Variants in SPSB1 observed in about 807,000 individuals in gnomAD.
The protein encoded by SPSB1 is splA/ryanodine receptor domain and SOCS box containing 1, also known as SPRY domain-containing SOCS box protein 1.
SPSB1 carries 8 observed loss-of-function variants against 21.2 expected under a neutral mutation model. That is an observed-to-expected ratio of 0.38 (90% CI 0.22 to 0.68). The LOEUF (loss-of-function observed/expected upper bound fraction) is 0.68. Among genes scored for constraint, SPSB1 ranks in the 30% least tolerant of loss-of-function variants. SPSB1 has a pLI of 0.53. For missense variants in SPSB1, 242 were observed against 377.8 expected (o/e 0.64, Z 2.98); for synonymous variants, 169 against 161.7 (o/e 1.05, Z -0.34).
intron 1 of SPSB1, among the ~76,000 whole-genome samples, chr1:9,336,521 C>T (rs180930304): frequency 3.9e-5 from 6 of 152,152 alleles, no homozygotes; most frequent in East Asian, 3.9e-4. Context: ...CCACCACGTC[C>T]GGCTCCTCCT....
At chr1:9,358,355 G>C (rs1193192491) in intron 2 of SPSB1, among the ~76,000 whole-genome samples, 1 of 152,176 alleles carries the variant, frequency 6.6e-6, no homozygotes, top group Non-Finnish European at 1.5e-5. Flanking sequence ...GGCGCCCCCA[G>C]GTCATGGGAC....
intron 1 of SPSB1, among the ~76,000 whole-genome samples, chr1:9,303,763 G>A (rs910207142): frequency 5.3e-5 from 8 of 152,318 alleles, no homozygotes; most frequent in Non-Finnish European, 1.2e-4. Flanking sequence ...TATGGTTTAA[G>A]GAGATGCCAG....
chr1:9,351,350 A>T (rs1557463152), intron 1 of SPSB1: 1 of 152,328 alleles, frequency 6.6e-6, no homozygotes, highest in Non-Finnish European at 1.5e-5. Flanking sequence ...GTGACCAGGA[A>T]GACAGGAGAA....
At chr1:9,337,248 C>G (rs1640018298) in intron 1 of SPSB1, among the ~76,000 whole-genome samples, 1 of 152,064 alleles carries the variant, frequency 6.6e-6, no homozygotes, top group Non-Finnish European at 1.5e-5. Context: ...GGGATTAGCT[C>G]CAGCTCAATG....
At position 9,305,423 on chromosome 1, in the gene SPSB1, GC is replaced by G. The variant is rs1639394922; in HGVS notation, c.-150+12353del. ...CCAGTGACCTGTGGGCTCCAGGAGG[GC>G]AGGACCCGGCCGGCCACATGGCTGT... On this transcript the variant is annotated intron_variant, in intron 1 of 2. Transcript: ENST00000328089. The surrounding 1 kb of genome is among the most constrained non-coding windows in gnomAD (Gnocchi z 4.8). Among the ~76,000 whole-genome samples, 1 of 152,202 alleles carries G rather than the reference GC, an allele frequency of 6.6e-6. No individual in the cohort carries two copies. The highest frequency in any genetic ancestry group is 2.4e-5 in the African/African-American group (1 of 41,460).
In SPSB1 at chr1:9,356,818, G is replaced by GGAT. The variant is rs768353208; in HGVS notation, c.694+239_694+241dup. Among the ~76,000 whole-genome samples, 1 of 152,156 alleles carries GGAT rather than the reference G, an allele frequency of 6.6e-6. No homozygotes were observed. Among genetic ancestry groups the GGAT allele is most frequent in the Non-Finnish European group, 1.5e-5 (1 of 68,022 alleles). On this transcript the variant is annotated intron_variant, in intron 2 of 2. Coordinates refer to ENST00000328089, the MANE Select transcript of SPSB1 (RefSeq NM_025106.4). This position sits in a 1 kb window ranked among gnomAD's most constrained non-coding sequence, Gnocchi z 7.4. ...ATGAATGGACAGATGGATGGATGAT[G>GGAT]GATGATGAATGAATAGATGGATGAA... is the stretch of plus-strand genomic sequence containing the variant.
At chr1:9,327,766 C>T (rs765089175) in intron 1 of SPSB1, among the ~76,000 whole-genome samples, 3 of 152,156 alleles carry the variant, frequency 2.0e-5, no homozygotes, top group Admixed American at 6.5e-5. Context: ...TGGTGTCTGC[C>T]GCAACTACTC....
At chr1:9,366,905 G>A (rs1640581283) in intron 2 of SPSB1, among the ~76,000 whole-genome samples, 1 of 152,196 alleles carries the variant, frequency 6.6e-6, no homozygotes, top group Non-Finnish European at 1.5e-5. Context: ...GGTGAGAATG[G>A]TATCTGAGAG....
chr1:9,300,154 A>G (rs1332475688), intron 1 of SPSB1, among the ~76,000 whole-genome samples: 1 of 152,164 alleles, frequency 6.6e-6, no homozygotes, highest in South Asian at 2.1e-4. Context: ...CTCGGGGTCC[A>G]GTAGTGTCAG....
intron 1 of SPSB1, among the ~76,000 whole-genome samples, chr1:9,325,549 G>A (rs568808088): frequency 6.6e-6 from 1 of 151,828 alleles, no homozygotes; most frequent in South Asian, 2.1e-4. Context: ...GGTGTGAGCA[G>A]GTGGCACCGT....
rs144422263 is a variant in SPSB1, at chr1:9,356,272, C to T, written c.381C>T (p.Val127=). ...CGGCAGACGCCCCCCTGCACTCTGT[C>T]GGGTACACAACCCTCGTGGGGAATA... is the stretch of plus-strand genomic sequence containing the variant. ...VATADAPLHS[V]GYTTLVGNNH... The change falls in exon 2 of 3, where the codon GTC becomes GTT. Residue 127 remains valine (V), a synonymous_variant. Coordinates refer to ENST00000328089, the MANE Select transcript of SPSB1 (RefSeq NM_025106.4). This position sits in a 1 kb window ranked among gnomAD's most constrained non-coding sequence, Gnocchi z 7.4. 8.3e-5 allele frequency: 134 copies of T among 1,613,166 alleles called. No homozygotes were observed. The African/African-American group carries it at 1.5e-3, about 18-fold the overall frequency.
intron 1 of SPSB1, among the ~76,000 whole-genome samples, chr1:9,310,322 G>A (rs1427924782): frequency 6.6e-6 from 1 of 152,228 alleles, no homozygotes; most frequent in African/African-American, 2.4e-5. Flanking sequence ...TAATTTCTGT[G>A]AGGGGAAAGG....
intron 1 of SPSB1, among the ~76,000 whole-genome samples, chr1:9,295,321 C>T (rs1240183907): frequency 6.6e-6 from 1 of 151,968 alleles, no homozygotes; most frequent in Non-Finnish European, 1.5e-5. Context: ...TGGCTACCAC[C>T]CTAGCAGCAG....
At chr1:9,314,490 CACA>C (rs1407189227) in intron 1 of SPSB1, among the ~76,000 whole-genome samples, 1 of 152,178 alleles carries the variant, frequency 6.6e-6, no homozygotes, top group Non-Finnish European at 1.5e-5. Context: ...CTGAGATCTA[CACA>C]ACAAGGCCGT....
chr1:9,296,526 C>T (rs1639228516), intron 1 of SPSB1, among the ~76,000 whole-genome samples: 1 of 152,192 alleles, frequency 6.6e-6, no homozygotes, highest in East Asian at 1.9e-4. Flanking sequence ...ACCTCGCATG[C>T]ACACACATAC....
rs912980848 is a variant in SPSB1 at position 9,293,676 on chromosome 1, A to C, written c.-150+605A>C. Among the ~76,000 whole-genome samples, 2 of 152,088 alleles carry C rather than the reference A, an allele frequency of 1.3e-5. No individual in the cohort carries two copies. The highest frequency in any genetic ancestry group is 1.3e-4 in the Admixed American group (2 of 15,278). ...GCGGAGGGAGAGCCGGAGGGTTGTC[A>C]GGAAATCGATTAAATCAGAAAAACA... On this transcript the variant is annotated intron_variant, in intron 1 of 2. Coordinates refer to ENST00000328089, the MANE Select transcript of SPSB1 (RefSeq NM_025106.4). The surrounding 1 kb of genome is among the most constrained non-coding windows in gnomAD (Gnocchi z 5.1).
At position 9,346,591 on chromosome 1, in the gene SPSB1, C is replaced by T. The variant is rs1640169110; in HGVS notation, c.-149-9152C>T. ...GCATTTTGGGGGAAGGTGGGGTCTG[C>T]AGGGTTGTGGCTTTAATTGAAACAC... On this transcript the variant is annotated intron_variant, in intron 1 of 2. Coordinates refer to ENST00000328089, the MANE Select transcript of SPSB1 (RefSeq NM_025106.4). This position sits in a 1 kb window ranked among gnomAD's most constrained non-coding sequence, Gnocchi z 4.4. Among the ~76,000 whole-genome samples the T allele has an allele frequency of 6.6e-6, 1 of 152,214 alleles. No homozygotes were observed. Among genetic ancestry groups the T allele is most frequent in the Non-Finnish European group, 1.5e-5 (1 of 68,032 alleles).
chr1:9,323,643 A>G (rs1227945891), intron 1 of SPSB1, among the ~76,000 whole-genome samples: 2 of 152,156 alleles, frequency 1.3e-5, no homozygotes, highest in African/African-American at 4.8e-5. Context: ...CTGCATGGAG[A>G]TGGTCTTGCA....
chr1:9,335,650 A>C (rs141148308), intron 1 of SPSB1, among the ~76,000 whole-genome samples: 227 of 152,224 alleles, frequency 1.5e-3, no homozygotes, highest in African/African-American at 4.7e-3. Flanking sequence ...AAACTAAAAA[A>C]CTAGCTGAGC....
Sources: gnomAD v4.1 joint callset for allele counts (sites outside exome capture counted in the v4.1 genomes callset) on GRCh38, gnomAD v4.1.1 for gene constraint, Gnocchi (gnomAD v3.1) non-coding constraint, MANE v1.5 for transcripts, NCBI Gene and HGNC (gene_info 2026-07-23, HGNC 2026-07-21) for gene names.